Variants in RAB3D observed in about 807,000 individuals in gnomAD.
The protein encoded by RAB3D is ras-related protein Rab-3D.
Under a neutral mutation model 19.3 loss-of-function variants are expected in RAB3D, and 17 were observed. The ratio of observed to expected loss-of-function variants is 0.88; its 90% CI spans 0.60 to 1.32. The LOEUF (loss-of-function observed/expected upper bound fraction) is 1.32, where lower values mean the gene tolerates loss of function less well. RAB3D is among the 40% of genes most tolerant of loss of function. RAB3D has a pLI of 0.00. For missense variants in RAB3D, 223 were observed against 299.1 expected (o/e 0.75, Z 1.88); for synonymous variants, 103 against 119.9 (o/e 0.86, Z 0.92).
At position 11,325,343 on chromosome 19, in the gene RAB3D, G is replaced by T; in HGVS notation, c.*55C>A. On this transcript the variant is annotated 3_prime_UTR_variant, in exon 5 of 5. Transcript: ENST00000222120. ...AGATAACCACTGTGGCTCACGCCTCGATCACAGTCCCTGCCGAGGCAGGAG... is the reference window on the plus strand; with the variant it reads ...AGATAACCACTGTGGCTCACGCCTCTATCACAGTCCCTGCCGAGGCAGGAG... 8.1e-7 allele frequency: 1 copy of T among 1,235,998 alleles called. No homozygotes were observed. Among genetic ancestry groups the T allele is most frequent in the Non-Finnish European group, 1.1e-6 (1 of 893,002 alleles). 76.6% of individuals were successfully genotyped at this position (1,235,998 alleles called of 1,614,324 possible).
intron 4 of RAB3D, among the ~76,000 whole-genome samples, chr19:11,332,307 C>T (rs781300986): frequency 2.2e-4 from 34 of 152,360 alleles, no homozygotes; most frequent in Non-Finnish European, 4.4e-4. Flanking sequence ...GCTGGGATTA[C>T]AGGCGTGAGC....
rs531254501 is a variant in RAB3D, at chr19:11,330,402, T to C, written c.473-4817A>G. The stretch of plus-strand genomic sequence containing the variant: ...GTGATTACCATAAAAATAGCAACCA[T>C]AGACAATGCATCAACAAATAGGCAT... On this transcript the variant is annotated intron_variant, in intron 4 of 4. Transcript: ENST00000222120. Among the ~76,000 whole-genome samples, 5 of 152,254 alleles carry C rather than the reference T, an allele frequency of 3.3e-5. No individual in the cohort carries two copies. The South Asian group carries it at 8.3e-4, about 25-fold the overall frequency.
At chr19:11,332,987 T>C (rs1280585198) in intron 4 of RAB3D, among the ~76,000 whole-genome samples, 1 of 151,934 alleles carries the variant, frequency 6.6e-6, no homozygotes, top group Non-Finnish European at 1.5e-5. Flanking sequence ...TCCATGGCTG[T>C]CAACAGAGGA....
chr19:11,326,115 G>A (rs990980398), intron 4 of RAB3D, among the ~76,000 whole-genome samples: 42 of 151,912 alleles, frequency 2.8e-4, no homozygotes, highest in African/African-American at 9.9e-4. Flanking sequence ...CCAGCTACTC[G>A]GGAGGCTGAG....
chr19:11,335,700 G>A lies in RAB3D; in HGVS notation c.312C>T (p.Ile104=), dbSNP rs763317162. 3.1e-6 allele frequency: 5 copies of A among 1,614,176 alleles called. No individual in the cohort carries two copies. Among genetic ancestry groups the A allele is most frequent in the South Asian group, 2.2e-5 (2 of 91,086 alleles). Residue 104 remains isoleucine, a synonymous_variant, in exon 3 of 5, where the codon ATC becomes ATT. Coordinates refer to ENST00000222120, the MANE Select transcript of RAB3D (RefSeq NM_004283.4). ...GAMGFLLMYD[I]ANQESFAAVQ... is the part of the protein sequence containing the mutation. Reference sequence around the variant, plus strand: ...CAGCGGCAAAGGATTCCTGATTGGCGATGTCATACATGAGCAGGAAGCCCA... The same window carrying A: ...CAGCGGCAAAGGATTCCTGATTGGCAATGTCATACATGAGCAGGAAGCCCA...
At chr19:11,331,816 T>C (rs1015376140) in intron 4 of RAB3D, among the ~76,000 whole-genome samples, 4 of 151,880 alleles carry the variant, frequency 2.6e-5, no homozygotes, top group South Asian at 4.2e-4. Context: ...GTCTCTATTA[T>C]TTAAAAAACG....
At chr19:11,337,106 A>G (rs1966902472) in intron 2 of RAB3D, 66 bp downstream of exon 2, 2 of 1,356,596 alleles carry the variant, frequency 1.5e-6, no homozygotes, top group Non-Finnish European at 2.1e-6. Flanking sequence ...AAAAAAAAAA[A>G]GAACCCTCCA....
chr19:11,331,825 CG>C (rs2080836518), intron 4 of RAB3D, among the ~76,000 whole-genome samples: 1 of 151,752 alleles, frequency 6.6e-6, no homozygotes, highest in South Asian at 2.1e-4. Context: ...ATTTAAAAAA[CG>C]ACGACGACAA....
chr19:11,326,899 C>G, intron 4 of RAB3D: 1 of 546,350 alleles, frequency 1.8e-6, no homozygotes. Context: ...CGTGAGCCAC[C>G]ACGCTGGGCT....
chr19:11,334,484 C>A (rs971804689), intron 4 of RAB3D, among the ~76,000 whole-genome samples: 2 of 150,930 alleles, frequency 1.3e-5, no homozygotes, highest in African/African-American at 2.4e-5. Flanking sequence ...AAAACAAAAA[C>A]AAACCATAAA....
At chr19:11,331,638 G>C (rs1345356139) in intron 4 of RAB3D, among the ~76,000 whole-genome samples, 1 of 152,020 alleles carries the variant, frequency 6.6e-6, no homozygotes, top group African/African-American at 2.4e-5. Flanking sequence ...TTGAGCCCAG[G>C]TGTCTGAGGC....
intron 4 of RAB3D, among the ~76,000 whole-genome samples, chr19:11,329,155 G>C (rs936617305): frequency 6.6e-6 from 1 of 151,730 alleles, no homozygotes; most frequent in Non-Finnish European, 1.5e-5. Context: ...CTAGACTCAA[G>C]TGATCCTCTG....
At chr19:11,335,289 G>A (rs1343273867) in intron 4 of RAB3D, among the ~76,000 whole-genome samples, 158 bp downstream of exon 4, 2 of 152,186 alleles carry the variant, frequency 1.3e-5, no homozygotes, top group African/African-American at 2.4e-5. Context: ...CCTGCGCGTG[G>A]ATCCCCTGCA....
chr19:11,325,585 C>T lies in RAB3D; in HGVS notation c.473G>A (p.Gly158Asp). Residue 158 changes from glycine (G) to aspartate (D), a missense_variant and splice_region_variant, in exon 5 of 5, where the codon GGT becomes GAT. Physicochemically the swap from Gly to Asp is moderately conservative, Grantham distance 94. Coordinates refer to ENST00000222120, the MANE Select transcript of RAB3D (RefSeq NM_004283.4). ...GGCACTGGCTTCAAAGAACTCGAAA[C>T]CTGGATGAATGTTAAGGTGGGGACA... Reference protein sequence around the residue: ...EDGRRLADDLGFEFFEASAKE... With the variant: ...EDGRRLADDLDFEFFEASAKE... 1 of 1,604,716 alleles carries T rather than the reference C, an allele frequency of 6.2e-7. No homozygotes were observed. Among genetic ancestry groups the T allele is most frequent in the South Asian group, 1.1e-5 (1 of 90,804 alleles).
intron 4 of RAB3D, among the ~76,000 whole-genome samples, chr19:11,328,371 G>C (rs965448788): frequency 6.6e-6 from 1 of 150,860 alleles, no homozygotes; most frequent in Non-Finnish European, 1.5e-5. Flanking sequence ...GTTGGGGGGT[G>C]CCAGGCGTGG....
rs531767836 is a variant in RAB3D at position 11,326,706 on chromosome 19, C to T, written c.473-1121G>A. On this transcript the variant is annotated intron_variant, in intron 4 of 4. Coordinates refer to ENST00000222120, the MANE Select transcript of RAB3D (RefSeq NM_004283.4). ...GCAGCCTCAACCTCCTGGGCTCAAG[C>T]GATCCTCCCGCCTTGGCCCCCTGAG... 118 of 670,298 alleles carry T rather than the reference C, an allele frequency of 1.8e-4. 1 individual carries two copies. In the South Asian group the frequency reaches 1.8e-3, roughly 10 times the overall value. The allele number at this position is 670,298 out of a possible 1,614,324, so 41.5% of individuals were successfully genotyped here. A position where few individuals can be genotyped will look rare whatever the true frequency, so the allele number is the denominator to read the frequency against.
In RAB3D at chr19:11,337,368, G is replaced by T; in HGVS notation, c.32C>A (p.Pro11Gln). The stretch of plus-strand genomic sequence containing the variant: ...GAAGTTCTGATCTGCTGCATCCCGT[G>T]GGCCTGCCTGGGTGTCTCCAGCTGA... MASAGDTQAG[P>Q]RDAADQNFDY... Residue 11 changes from proline (P) to glutamine (Q), a missense_variant, in exon 2 of 5, where the codon CCA (proline) becomes CAA (glutamine). Pro to Gln is a moderately conservative substitution (Grantham distance 76). Transcript: ENST00000222120. 1.9e-6 allele frequency: 3 copies of T among 1,614,124 alleles called. No homozygotes were observed. The highest frequency in any genetic ancestry group is 3.3e-4 in the Middle Eastern group (2 of 6,062).
intron 4 of RAB3D, among the ~76,000 whole-genome samples, chr19:11,333,847 CCA>C: frequency 6.6e-6 from 1 of 152,208 alleles, no homozygotes; most frequent in East Asian, 1.9e-4. Context: ...GCGTCTGTCA[CCA>C]TGCCCGGCTA....
chr19:11,337,288 A>G lies in RAB3D; in HGVS notation c.112T>C (p.Phe38Leu). Reference protein sequence around the residue: ...IGNSSVGKTSFLFRYADDSFT... With the variant: ...IGNSSVGKTSLLFRYADDSFT... ...GAGTCGTCCGCGTATCGGAACAGGA[A>G]GGAAGTCTTGCCCACACTGCTGTTG... The change falls in exon 2 of 5, where the codon TTC (phenylalanine) becomes CTC (leucine). Residue 38 changes from phenylalanine to leucine, a missense_variant. Transcript: ENST00000222120. 1.2e-6 allele frequency: 2 copies of G among 1,614,120 alleles called. No homozygotes were observed. Among genetic ancestry groups the G allele is most frequent in the East Asian group, 4.5e-5 (2 of 44,882 alleles).
Sources: allele counts gnomAD v4.1 joint callset (sites outside exome capture counted in the v4.1 genomes callset), GRCh38; gene constraint gnomAD v4.1.1; transcripts MANE v1.5; gene names NCBI Gene and HGNC (gene_info 2026-07-23, HGNC 2026-07-21).